The following ABCA13 variants were observed in gnomAD, a reference collection of about 807,000 sequenced individuals.
The protein encoded by ABCA13 is ATP-binding cassette sub-family A member 13.
Under a neutral mutation model 478.7 loss-of-function variants are expected in ABCA13, and 476 were observed. The ratio of observed to expected loss-of-function variants is 0.99; its 90% CI spans 0.92 to 1.07. The LOEUF (loss-of-function observed/expected upper bound fraction) is 1.07, where lower values mean the gene tolerates loss of function less well. ABCA13 is among the 50% of genes least tolerant of loss of function. The pLI is 0.00. For synonymous variants in ABCA13, 2,252 were observed against 2,158.9 expected (o/e 1.04, Z -1.20); for missense variants, 6,060 against 5,910.6 (o/e 1.03, Z -0.83).
At position 48,489,318 on chromosome 7, in the gene ABCA13, C is replaced by T. The variant is rs773422320; in HGVS notation, c.13265C>T (p.Pro4422Leu). 1.2e-6 allele frequency: 2 copies of T among 1,611,180 alleles called. No homozygotes were observed. The highest frequency in any genetic ancestry group is 1.3e-5 in the African/African-American group (1 of 74,952). Residue 4422 changes from proline to leucine, a missense_variant, in exon 48 of 62, where the codon CCC (proline) becomes CTC (leucine). Physicochemically the swap from Pro to Leu is moderately conservative, Grantham distance 98. Around this residue, in one of 3 missense-constraint regions of ABCA13, gnomAD observed 1,627 missense variants for 1,571.0 expected, o/e 1.04. Transcript: ENST00000435803. The part of the protein sequence containing the change: ...LNNLILWQHL[P>L]PTVDWRQYGI... ...AACCTTATTTTGTGGCAGCACCTAC[C>T]CCCTACTGTGGACTGGAGACAATAC...
At chr7:48,626,987 A>G (rs1793725355) in intron 59 of ABCA13, 2 of 985,446 alleles carry the variant, frequency 2.0e-6, no homozygotes, top group Non-Finnish European at 2.4e-6. Context: ...AGCTGAACTC[A>G]TCACAACTTT....
At chr7:48,379,241 T>C (rs1189396751) in intron 35 of ABCA13, among the ~76,000 whole-genome samples, 2 of 152,220 alleles carry the variant, frequency 1.3e-5, no homozygotes, top group African/African-American at 4.8e-5. Flanking sequence ...GCACAAAGTA[T>C]TTCTTTTCCA....
chr7:48,548,149 C>A (rs114036347), intron 55 of ABCA13, among the ~76,000 whole-genome samples: 1 of 151,750 alleles, frequency 6.6e-6, no homozygotes, highest in Non-Finnish European at 1.5e-5. Context: ...TCATACACAG[C>A]GAGTATTTTC....
intron 55 of ABCA13, among the ~76,000 whole-genome samples, chr7:48,573,312 G>A (rs1413471255): frequency 1.3e-5 from 2 of 148,984 alleles, no homozygotes; most frequent in African/African-American, 2.5e-5. Context: ...ATCACTTGTG[G>A]GTTTATTTTT....
At chr7:48,249,873 G>A (rs1792274490) in intron 15 of ABCA13, among the ~76,000 whole-genome samples, 1 of 151,618 alleles carries the variant, frequency 6.6e-6, no homozygotes, top group South Asian at 2.1e-4. Context: ...GACACTAACT[G>A]GGTGTCCTAC....
chr7:48,302,402 C>T (rs1800271649), intron 23 of ABCA13, among the ~76,000 whole-genome samples: 1 of 151,932 alleles, frequency 6.6e-6, no homozygotes, highest in Admixed American at 6.6e-5. Flanking sequence ...TATAGGTAAA[C>T]TCGTGTCAGG....
intron 57 of ABCA13, among the ~76,000 whole-genome samples, chr7:48,591,910 A>G (rs777380021): frequency 1.4e-4 from 22 of 151,890 alleles, no homozygotes; most frequent in Admixed American, 8.5e-4. Context: ...ATGCTTTTGA[A>G]AAGATGATTT....
chr7:48,644,904 A>G (rs1795339823), intron 61 of ABCA13, 150 bp downstream of exon 61: 3 of 856,280 alleles, frequency 3.5e-6, no homozygotes, highest in Non-Finnish European at 5.1e-6. Context: ...AAGGATGGTG[A>G]GTGTCAGAAA....
At chr7:48,333,224 C>T (rs1805683311) in intron 27 of ABCA13, among the ~76,000 whole-genome samples, 1 of 152,188 alleles carries the variant, frequency 6.6e-6, no homozygotes, top group African/African-American at 2.4e-5. Context: ...CTCCATTCTT[C>T]TACTGAGACC....
intron 59 of ABCA13, among the ~76,000 whole-genome samples, chr7:48,617,711 C>G (rs2131578617): frequency 6.6e-6 from 1 of 152,266 alleles, no homozygotes; most frequent in Admixed American, 6.5e-5. Context: ...AATTGCAGTG[C>G]TGACCTTGAC....
rs11357239 is a variant in ABCA13 at position 48,372,515 on chromosome 7, TAAAAA to T, written c.11133+32_11133+36del. 3.5e-4 allele frequency: 422 copies of T among 1,193,912 alleles called. No homozygotes were observed. Among genetic ancestry groups the T allele is most frequent in the Non-Finnish European group, 3.9e-4 (347 of 896,266 alleles). The allele number at this position is 1,193,912 out of a possible 1,614,324, so 74.0% of individuals were successfully genotyped here. A position where few individuals can be genotyped will look rare whatever the true frequency, so the allele number is the denominator to read the frequency against. ...CATTTCTGGTAAGTAAGTTGTTTTGTAAAAAAAAAAAAAAAAAACAACAAAATTGC... is the reference window on the plus strand; with the variant it reads ...CATTTCTGGTAAGTAAGTTGTTTTGTAAAAAAAAAAAAACAACAAAATTGC... On this transcript the variant is annotated intron_variant, in intron 33 of 61. Coordinates refer to ENST00000435803, the MANE Select transcript of ABCA13 (RefSeq NM_152701.5).
chr7:48,484,026 A>G (rs1829045800), intron 47 of ABCA13, among the ~76,000 whole-genome samples: 1 of 152,180 alleles, frequency 6.6e-6, no homozygotes, highest in South Asian at 2.1e-4. Context: ...GAGAACAAGA[A>G]CAATCTCCAT....
chr7:48,388,941 G>A (rs1181327938), intron 36 of ABCA13, 99 bp from the exon 37 acceptor site: 3 of 1,377,862 alleles, frequency 2.2e-6, no homozygotes, highest in Non-Finnish European at 3.0e-6. Flanking sequence ...TCACAGAGCT[G>A]GAATTCAATT....
At chr7:48,559,699 G>A (rs1786247657) in intron 55 of ABCA13, among the ~76,000 whole-genome samples, 1 of 152,084 alleles carries the variant, frequency 6.6e-6, no homozygotes, top group African/African-American at 2.4e-5. Flanking sequence ...ATATTACCTG[G>A]GTATCACTGC....
In ABCA13 at chr7:48,298,445, G is replaced by A. The variant is rs750197451; in HGVS notation, c.9279G>A (p.Glu3093=). 2 of 1,613,620 alleles carry A rather than the reference G, an allele frequency of 1.2e-6. No individual in the cohort carries two copies. Among genetic ancestry groups the A allele is most frequent in the Admixed American group, 3.3e-5 (2 of 59,990 alleles). ...GCTCTTCCATCCAAATCTCGAATGA[G>A]ACTATCCATAGCATTCTAGAAGCAA... is the stretch of plus-strand genomic sequence containing the variant. ...ELRSSIQISN[E]TIHSILEANI... is the part of the protein sequence containing the mutation. Residue 3093 remains glutamate (E), a synonymous_variant, in exon 23 of 62, where the codon GAG becomes GAA. Transcript: ENST00000435803.
Position 48,466,964 on chromosome 7 carries a change from G to A in ABCA13, c.12824G>A (p.Gly4275Asp), listed in dbSNP as rs777020496. Residue 4275 changes from glycine (G) to aspartate (D), a missense_variant, in exon 44 of 62, where the codon GGC becomes GAC. Around this residue, in one of 3 missense-constraint regions of ABCA13, gnomAD observed 1,627 missense variants for 1,571.0 expected, o/e 1.04. Coordinates refer to ENST00000435803, the MANE Select transcript of ABCA13 (RefSeq NM_152701.5). Reference sequence around the variant, plus strand: ...CTCACAATGAACAGCAGCAGTGGGGGCGACAACTTGGACCTCACCCGTGTG... The same window carrying A: ...CTCACAATGAACAGCAGCAGTGGGGACGACAACTTGGACCTCACCCGTGTG... ...RAETYFFSSG[G>D]DNLDLTRVLL... is the part of the protein sequence containing the mutation. 5 of 1,613,892 alleles carry A rather than the reference G, an allele frequency of 3.1e-6. No individual in the cohort carries two copies. Among genetic ancestry groups the A allele is most frequent in the Middle Eastern group, 1.7e-4 (1 of 6,060 alleles).
intron 35 of ABCA13, among the ~76,000 whole-genome samples, chr7:48,377,069 G>C (rs1813600917): frequency 6.6e-6 from 1 of 152,096 alleles, no homozygotes; most frequent in Non-Finnish European, 1.5e-5. Flanking sequence ...GGAGTGAGGG[G>C]CCATGTCCAA....
At chr7:48,470,641 G>C (rs954802456) in intron 44 of ABCA13, among the ~76,000 whole-genome samples, 2 of 152,136 alleles carry the variant, frequency 1.3e-5, no homozygotes, top group Admixed American at 6.5e-5. Context: ...ATTGTACTTT[G>C]CTAACCTGGT....
intron 42 of ABCA13, among the ~76,000 whole-genome samples, chr7:48,449,223 A>G (rs1200840244): frequency 6.6e-6 from 1 of 152,156 alleles, no homozygotes; most frequent in Non-Finnish European, 1.5e-5. Flanking sequence ...CACATGCCAC[A>G]AAAACATTCT....
Sources: gnomAD v4.1 joint callset for allele counts (sites outside exome capture counted in the v4.1 genomes callset) on GRCh38, gnomAD v4.1.1 for gene constraint, gnomAD v4.1.1 regional missense constraint, MANE v1.5 for transcripts, NCBI Gene and HGNC (gene_info 2026-07-23, HGNC 2026-07-21) for gene names.